The following NRG1 variants were observed in gnomAD, a reference collection of about 807,000 sequenced individuals.
NRG1 encodes pro-neuregulin-1, membrane-bound isoform.
Under a neutral mutation model 63.8 loss-of-function variants are expected in NRG1, and 18 were observed. The ratio of observed to expected loss-of-function variants is 0.28; its 90% CI spans 0.19 to 0.42. The LOEUF (loss-of-function observed/expected upper bound fraction) is 0.42, where lower values mean the gene tolerates loss of function less well. NRG1 is among the 10% of genes least tolerant of loss of function. The probability of loss-of-function intolerance (pLI) is 1.00; values close to 1 mark genes in which losing one functional copy is unlikely to be tolerated. For synonymous variants in NRG1, 302 were observed against 301.3 expected (o/e 1.00, Z -0.02); for missense variants, 762 against 814.7 (o/e 0.94, Z 0.79).
intron 1 of NRG1, among the ~76,000 whole-genome samples, chr8:31,856,432 C>T (rs1045006409): frequency 9.9e-5 from 15 of 152,202 alleles, no homozygotes; most frequent in East Asian, 1.9e-4. Flanking sequence ...GCATTCTTCA[C>T]GTAGTTCTCG....
chr8:31,922,919 G>A (rs1834033677), intron 1 of NRG1, among the ~76,000 whole-genome samples: 1 of 152,124 alleles, frequency 6.6e-6, no homozygotes, highest in Non-Finnish European at 1.5e-5. Flanking sequence ...AAAAGAGCTA[G>A]CATAGAGCTG....
At chr8:32,311,161 C>T (rs1385283266) in intron 1 of NRG1, among the ~76,000 whole-genome samples, 4 of 152,194 alleles carry the variant, frequency 2.6e-5, no homozygotes, top group South Asian at 2.1e-4. Context: ...TCAACAAAGA[C>T]GTATTGGATT....
intron 1 of NRG1, among the ~76,000 whole-genome samples, chr8:32,386,232 T>C (rs2129483641): frequency 6.6e-6 from 1 of 152,330 alleles, no homozygotes; most frequent in South Asian, 2.1e-4. Flanking sequence ...CTCCCAAATC[T>C]GTGGAACTGC....
chr8:32,450,478 G>A (rs900568536), intron 1 of NRG1, among the ~76,000 whole-genome samples: 1 of 151,980 alleles, frequency 6.6e-6, no homozygotes, highest in Non-Finnish European at 1.5e-5. Flanking sequence ...GTACAGTCAC[G>A]CAATTACAGC....
chr8:32,482,998 A>C (rs1238897956), intron 1 of NRG1, among the ~76,000 whole-genome samples: 6 of 152,234 alleles, frequency 3.9e-5, no homozygotes, highest in African/African-American at 1.4e-4. Flanking sequence ...GTTAGACAGC[A>C]TGAGGCTTAG....
chr8:32,307,586 GGTTTGTGTGTGTGTGTGTGTGT>G (rs1432155173), intron 1 of NRG1, among the ~76,000 whole-genome samples: 2 of 108,898 alleles, frequency 1.8e-5, no homozygotes, highest in African/African-American at 6.2e-5. Context: ...GTCACCCAGG[GGTTTGTGTGTGTGTGTGTGTGT>G]GTGTGTGTGT....
intron 1 of NRG1, among the ~76,000 whole-genome samples, chr8:31,735,253 T>C (rs1814545942): frequency 6.6e-6 from 1 of 152,120 alleles, no homozygotes; most frequent in African/African-American, 2.4e-5. Flanking sequence ...CCAAAAGTGG[T>C]TTATGACAAA....
intron 1 of NRG1, among the ~76,000 whole-genome samples, chr8:32,589,824 G>C (rs1018115600): frequency 2.6e-5 from 4 of 152,126 alleles, no homozygotes; most frequent in African/African-American, 9.7e-5. Flanking sequence ...AGATGAATGA[G>C]GTTGTTTTTT....
chr8:32,685,089 G>A (rs962291500), intron 5 of NRG1, among the ~76,000 whole-genome samples: 5 of 151,824 alleles, frequency 3.3e-5, no homozygotes, highest in Non-Finnish European at 4.4e-5. Flanking sequence ...GTCAACATAC[G>A]GAATATTTTC....
chr8:31,677,595 C>A (rs1041379901), intron 1 of NRG1, among the ~76,000 whole-genome samples: 7 of 152,092 alleles, frequency 4.6e-5, no homozygotes. Flanking sequence ...GACAGAGAGA[C>A]CCTGTCTCAA....
chr8:32,289,130 C>CT (rs1488290951), intron 1 of NRG1, among the ~76,000 whole-genome samples: 2 of 152,124 alleles, frequency 1.3e-5, no homozygotes, highest in Admixed American at 1.3e-4. Flanking sequence ...TTGAGTCTTT[C>CT]TTAACTGGTG....
At chr8:32,373,973 A>T (rs1809284350) in intron 1 of NRG1, among the ~76,000 whole-genome samples, 1 of 152,214 alleles carries the variant, frequency 6.6e-6, no homozygotes, top group South Asian at 2.1e-4. Context: ...TTTTGATATT[A>T]TGAGATTATG....
At chr8:32,299,676 T>G (rs2029219) in intron 1 of NRG1, among the ~76,000 whole-genome samples, 35,911 of 152,010 alleles carry the variant, frequency 0.24, 4,992 homozygotes, top group African/African-American at 0.39. Flanking sequence ...GGCCTCACAA[T>G]TATGGTAGAA....
intron 1 of NRG1, among the ~76,000 whole-genome samples, chr8:31,819,527 C>T (rs151207325): frequency 6.6e-6 from 1 of 152,188 alleles, no homozygotes; most frequent in Non-Finnish European, 1.5e-5. Flanking sequence ...AATAAAATAA[C>T]CTCTTTTCCC....
In NRG1 at chr8:31,980,438, G is replaced by T. The variant is rs1808886068; in HGVS notation, c.37+341007G>T. Among the ~76,000 whole-genome samples, 4 of 152,002 alleles carry T rather than the reference G, an allele frequency of 2.6e-5. No homozygotes were observed. The South Asian group carries it at 6.2e-4, about 24-fold the overall frequency. ...CCTTTTTGTCTTTTTAGAAAATATT[G>T]TTCCCTTTATGAATATGTCTCTTAA... On this transcript the variant is annotated intron_variant, in intron 1 of 10. Transcript: ENST00000519301.
At chr8:31,908,681 G>A (rs905837921) in intron 1 of NRG1, among the ~76,000 whole-genome samples, 2 of 152,036 alleles carry the variant, frequency 1.3e-5, no homozygotes, top group South Asian at 4.1e-4. Flanking sequence ...AAAATATTAT[G>A]TAAATATTGC....
At chr8:31,778,307 C>A (rs573427800) in intron 1 of NRG1, among the ~76,000 whole-genome samples, 2 of 152,256 alleles carry the variant, frequency 1.3e-5, no homozygotes, top group South Asian at 2.1e-4. Context: ...TAGTCTAGGG[C>A]GATCCTGGTG....
chr8:31,937,714 A>G (rs1801128915), intron 1 of NRG1, among the ~76,000 whole-genome samples: 1 of 152,180 alleles, frequency 6.6e-6, no homozygotes, highest in African/African-American at 2.4e-5. Context: ...TGCAGGCTGC[A>G]TGGGAGTGGG....
At chr8:32,335,992 A>C (rs906397159) in intron 1 of NRG1, among the ~76,000 whole-genome samples, 1 of 151,860 alleles carries the variant, frequency 6.6e-6, no homozygotes, top group African/African-American at 2.4e-5. Flanking sequence ...ACCCACCCAC[A>C]CACACACACA....
Sources: gnomAD v4.1 joint callset for allele counts (sites outside exome capture counted in the v4.1 genomes callset) on GRCh38, gnomAD v4.1.1 for gene constraint, MANE v1.5 for transcripts, NCBI Gene and HGNC (gene_info 2026-07-23, HGNC 2026-07-21) for gene names.